PSD3: variants seen among roughly 807,000 people sequenced by gnomAD.
The protein encoded by PSD3 is pleckstrin and Sec7 domain containing 3, also known as PH and SEC7 domain-containing protein 3.
In PSD3, 49 loss-of-function variants were observed where a neutral mutation model predicts 105.5. The observed-to-expected ratio is 0.46, with a 90% CI of 0.37 to 0.59. The LOEUF (loss-of-function observed/expected upper bound fraction) is 0.59, where lower values mean the gene tolerates loss of function less well. PSD3 is among the 20% of genes least tolerant of loss of function. PSD3 has a pLI of 0.00. For synonymous variants in PSD3, 557 were observed against 457.8 expected, an observed-to-expected ratio of 1.22 and a Z score of -2.77; for missense variants, 1,561 against 1,263.8, an observed-to-expected ratio of 1.24 and a Z score of -3.57.
chr8:18,837,247 T>TGA (rs1430632348), intron 4 of PSD3, among the ~76,000 whole-genome samples: 2 of 152,184 alleles, frequency 1.3e-5, no homozygotes, highest in Non-Finnish European at 2.9e-5. Flanking sequence ...GAACCAGCCA[T>TGA]GACCCAGCTC....
chr8:18,828,015 T>A (rs2129450079), intron 4 of PSD3, among the ~76,000 whole-genome samples: 1 of 145,738 alleles, frequency 6.9e-6, no homozygotes, highest in Non-Finnish European at 1.5e-5. Flanking sequence ...AGACAATTTA[T>A]ATATACATAT....
rs1460856305 is a variant in PSD3 at position 18,807,794 on chromosome 8, A to G, written c.1635-2896T>C. ...TTTAAATGCATGATTTTTTCATCCT[A>G]CATCTTCCTTTATAGACTTAACATT... On this transcript the variant is annotated intron_variant, in intron 4 of 15. Transcript: ENST00000327040. Among the ~76,000 whole-genome samples the G allele has an allele frequency of 7.2e-5, 11 of 152,252 alleles. No individual in the cohort carries two copies. In the East Asian group the frequency reaches 1.4e-3, roughly 19 times the overall value.
At chr8:18,600,336 G>T in intron 12 of PSD3, 28 bp downstream of exon 12, 1 of 1,569,766 alleles carries the variant, frequency 6.4e-7, no homozygotes, top group Non-Finnish European at 8.8e-7. Context: ...ATCGAGTTTT[G>T]TGGATTTTTT....
intron 9 of PSD3, among the ~76,000 whole-genome samples, chr8:18,726,373 C>T (rs545555456): frequency 1.3e-5 from 2 of 152,216 alleles, no homozygotes; most frequent in South Asian, 4.1e-4. Context: ...CTTCCACATA[C>T]AGAAAAGGAA....
chr8:18,578,414 G>C (rs1001951570), intron 12 of PSD3, among the ~76,000 whole-genome samples: 17 of 152,048 alleles, frequency 1.1e-4, no homozygotes, highest in African/African-American at 3.6e-4. Flanking sequence ...CATGATTTGT[G>C]AAATTCTTCC....
At chr8:18,903,273 G>A (rs1297408882) in intron 2 of PSD3, among the ~76,000 whole-genome samples, 9 of 152,100 alleles carry the variant, frequency 5.9e-5, no homozygotes, top group Admixed American at 1.3e-4. Context: ...TGACCCGAAC[G>A]GCAACTCGGG....
intron 11 of PSD3, among the ~76,000 whole-genome samples, chr8:18,615,105 CTACTTT>C (rs1356563917): frequency 2.6e-5 from 4 of 152,124 alleles, no homozygotes; most frequent in African/African-American, 9.7e-5. Flanking sequence ...TCTTTGCCGT[CTACTTT>C]TAAACTTAAC....
At chr8:18,640,345 T>G (rs1807555079) in intron 10 of PSD3, among the ~76,000 whole-genome samples, 1 of 152,196 alleles carries the variant, frequency 6.6e-6, no homozygotes, top group African/African-American at 2.4e-5. Flanking sequence ...CATACATTGT[T>G]AAGTGATACG....
chr8:18,541,662 G>A (rs781463231), intron 15 of PSD3, among the ~76,000 whole-genome samples: 5 of 152,114 alleles, frequency 3.3e-5, no homozygotes, highest in African/African-American at 4.8e-5. Flanking sequence ...GCCTTGCTTA[G>A]GACTGGGGCT....
At chr8:18,838,143 C>T (rs1814283986) in intron 4 of PSD3, among the ~76,000 whole-genome samples, 1 of 152,190 alleles carries the variant, frequency 6.6e-6, no homozygotes. Flanking sequence ...CCATCTGACA[C>T]AGCTCATACT....
chr8:18,657,085 T>C (rs555416703), intron 9 of PSD3, among the ~76,000 whole-genome samples: 11 of 152,168 alleles, frequency 7.2e-5, no homozygotes, highest in African/African-American at 2.2e-4. Context: ...TACTCTGAGA[T>C]AGAAAAAAGG....
intron 4 of PSD3, among the ~76,000 whole-genome samples, chr8:18,831,894 A>G (rs914576581): frequency 6.6e-6 from 1 of 151,344 alleles, no homozygotes; most frequent in Non-Finnish European, 1.5e-5. Context: ...CAGAATAAAT[A>G]TAACAAAAAA....
At chr8:18,704,580 T>C (rs1047979241) in intron 9 of PSD3, among the ~76,000 whole-genome samples, 3 of 152,210 alleles carry the variant, frequency 2.0e-5, no homozygotes, top group Non-Finnish European at 4.4e-5. Context: ...GACCTCGTGA[T>C]CTGCCTGCCT....
chr8:18,566,568 A>G (rs926616430), intron 14 of PSD3, among the ~76,000 whole-genome samples: 1 of 151,428 alleles, frequency 6.6e-6, no homozygotes, highest in Admixed American at 6.6e-5. Flanking sequence ...ACATTCTAGA[A>G]CCATCTCATT....
At chr8:18,745,714 A>G (rs1480884265) in intron 9 of PSD3, among the ~76,000 whole-genome samples, 1 of 152,258 alleles carries the variant, frequency 6.6e-6, no homozygotes, top group Admixed American at 6.5e-5. Flanking sequence ...GGCAGAGCTA[A>G]GAAATATATG....
intron 4 of PSD3, among the ~76,000 whole-genome samples, chr8:18,812,514 G>C (rs541882740): frequency 5.9e-5 from 9 of 152,326 alleles, no homozygotes; most frequent in African/African-American, 2.2e-4. Flanking sequence ...GTGCCAGGGA[G>C]GAGCTGGCTT....
intron 2 of PSD3, among the ~76,000 whole-genome samples, chr8:18,873,595 A>C (rs1817535276): frequency 6.6e-6 from 1 of 152,164 alleles, no homozygotes; most frequent in African/African-American, 2.4e-5. Context: ...TTTAAAATCT[A>C]CTTACTCTTC....
At chr8:18,825,859 T>C (rs550592327) in intron 4 of PSD3, among the ~76,000 whole-genome samples, 2 of 152,258 alleles carry the variant, frequency 1.3e-5, no homozygotes, top group Admixed American at 1.3e-4. Context: ...TCTTCCGTAT[T>C]TCCCCCTACA....
intron 1 of PSD3, among the ~76,000 whole-genome samples, chr8:19,068,834 T>A (rs574848524): frequency 1.3e-5 from 2 of 152,168 alleles, no homozygotes; most frequent in South Asian, 4.2e-4. Flanking sequence ...CCATCTGCAG[T>A]TGGGCTGGCT....
Sources: gnomAD v4.1 joint callset for allele counts (sites outside exome capture counted in the v4.1 genomes callset) on GRCh38, gnomAD v4.1.1 for gene constraint, MANE v1.5 for transcripts, NCBI Gene and HGNC (gene_info 2026-07-23, HGNC 2026-07-21) for gene names.